The following INPP5D variants were observed in gnomAD, a reference collection of about 807,000 sequenced individuals.
INPP5D encodes the protein inositol polyphosphate-5-phosphatase D.
Under a neutral mutation model 122.9 loss-of-function variants are expected in INPP5D, and 33 were observed. The observed-to-expected ratio is 0.27, with a 90% confidence interval of 0.20 to 0.36. The LOEUF (loss-of-function observed/expected upper bound fraction) is 0.36. Among genes scored for constraint, INPP5D ranks in the 10% least tolerant of loss-of-function variants. The pLI, the probability that INPP5D is intolerant of heterozygous loss-of-function variation, is 1.00. For synonymous variants in INPP5D, 584 were observed against 576.2 expected, an observed-to-expected ratio of 1.01 and a Z score of -0.19; for missense variants, 1,053 against 1,412.7, an observed-to-expected ratio of 0.75 and a Z score of 4.08.
At chr2:233,077,551 T>G (rs917494823) in intron 1 of INPP5D, among the ~76,000 whole-genome samples, 1 of 151,352 alleles carries the variant, frequency 6.6e-6, no homozygotes, top group Admixed American at 6.6e-5. Flanking sequence ...CCCAGCTACT[T>G]GAGAGGCTGA....
At chr2:233,181,088 C>G (rs1694772071) in intron 18 of INPP5D, among the ~76,000 whole-genome samples, 2 of 152,316 alleles carry the variant, frequency 1.3e-5, no homozygotes, top group South Asian at 4.1e-4. Context: ...TTGACTCCAT[C>G]TATTCCTTCT....
At chr2:233,202,341 C>T (rs181723139) in intron 25 of INPP5D, among the ~76,000 whole-genome samples, 1 of 152,052 alleles carries the variant, frequency 6.6e-6, no homozygotes, top group African/African-American at 2.4e-5. Flanking sequence ...ATGGAGGGGG[C>T]CCTTTCCAAA....
At chr2:233,086,123 T>TTCTTTCTTTCTTTCTC (rs1691828519) in intron 2 of INPP5D, among the ~76,000 whole-genome samples, 3 of 70,000 alleles carry the variant, frequency 4.3e-5, no homozygotes, top group African/African-American at 7.2e-5. Flanking sequence ...GATAGCCTCT[T>TTCTTTCTTTCTTTCTC]TCTTTCTTTC....
intron 1 of INPP5D, among the ~76,000 whole-genome samples, chr2:233,062,985 TAA>T (rs541988646): frequency 1.4e-5 from 2 of 143,812 alleles, no homozygotes; most frequent in Non-Finnish European, 3.1e-5. Context: ...GGAAGGGCAT[TAA>T]AAAAAAAAAA....
intron 9 of INPP5D, among the ~76,000 whole-genome samples, chr2:233,157,217 G>A (rs36136752): frequency 0.17 from 25,524 of 152,084 alleles, 3,875 homozygotes; most frequent in African/African-American, 0.4. Flanking sequence ...GGAAGACCTG[G>A]GGTCCAAGAA....
In INPP5D at chr2:233,082,616, T is replaced by C. The variant is rs934767935; in HGVS notation, c.198+3218T>C. ...ACACCAAAGATCTCATCTTTGTTCT[T>C]TGCAGACCAACTTCATGGAGTTGGC... On this transcript the variant is annotated intron_variant, in intron 2 of 26. Coordinates refer to ENST00000445964, the MANE Select transcript of INPP5D (RefSeq NM_001017915.3). This position sits in a 1 kb window ranked among gnomAD's most constrained non-coding sequence, Gnocchi z 4.7. 1.1e-4 allele frequency among the ~76,000 whole-genome samples: 17 copies of C among 152,182 alleles called. No homozygotes were observed. Among genetic ancestry groups the C allele is most frequent in the African/African-American group, 3.9e-4 (16 of 41,440 alleles).
At chr2:233,200,589 C>T (rs1695305278) in intron 25 of INPP5D, among the ~76,000 whole-genome samples, 1 of 152,236 alleles carries the variant, frequency 6.6e-6, no homozygotes, top group South Asian at 2.1e-4. Context: ...CTTCCCAGGC[C>T]TGACCTGGCA....
chr2:233,171,080 G>A lies in INPP5D; in HGVS notation c.1917G>A (p.Thr639=), dbSNP rs371650284. The change falls in exon 17 of 27, where the codon ACG becomes ACA. Residue 639 remains threonine, a synonymous_variant. Coordinates refer to ENST00000445964, the MANE Select transcript of INPP5D (RefSeq NM_001017915.3). ...CTGTTTCAGAGGAGGAAGAAATCAC[G>A]TTTGCCCCAACCTACCGTTTTGAGA... is the stretch of plus-strand genomic sequence containing the variant. ...VFLHFEEEEI[T]FAPTYRFERL... The A allele has an allele frequency of 1.2e-3, 1,870 of 1,612,576 alleles. 39 individuals are homozygous for A. The South Asian group carries it at 0.019, about 17-fold the overall frequency.
intron 9 of INPP5D, among the ~76,000 whole-genome samples, chr2:233,153,500 G>A (rs527397494): frequency 1.5e-4 from 23 of 152,160 alleles, no homozygotes; most frequent in Non-Finnish European, 1.8e-4. Context: ...GATAGCGAGA[G>A]TCACTTGTAG....
At chr2:233,138,214 G>A (rs780368892) in intron 5 of INPP5D, among the ~76,000 whole-genome samples, 2 of 149,908 alleles carry the variant, frequency 1.3e-5, no homozygotes, top group Non-Finnish European at 3.0e-5. Context: ...GCTGGGCGTG[G>A]TGGTGTATGC....
At chr2:233,195,603 T>G (rs1464119242) in intron 24 of INPP5D, 108 bp downstream of exon 24, 12 of 1,538,088 alleles carry the variant, frequency 7.8e-6, no homozygotes. Flanking sequence ...TCCCGGCACT[T>G]TGGGAGGCCA....
intron 1 of INPP5D, among the ~76,000 whole-genome samples, chr2:233,073,508 C>T (rs567781374): frequency 3.0e-4 from 46 of 151,902 alleles, no homozygotes; most frequent in African/African-American, 9.7e-4. Flanking sequence ...AACATGGTGG[C>T]GGGTGCCTGT....
intron 1 of INPP5D, among the ~76,000 whole-genome samples, chr2:233,068,233 C>T (rs1379094854): frequency 8.0e-5 from 12 of 149,212 alleles, no homozygotes; most frequent in African/African-American, 2.5e-4. Flanking sequence ...TGTGGTGAGC[C>T]GAGATGGCAC....
intron 11 of INPP5D, 76 bp downstream of exon 11, chr2:233,161,902 G>A (rs1046151467): frequency 3.9e-6 from 6 of 1,529,058 alleles, no homozygotes; most frequent in South Asian, 1.3e-5. Context: ...TCAAGGTGGG[G>A]TGGAGTGACG....
intron 2 of INPP5D, among the ~76,000 whole-genome samples, chr2:233,092,943 A>G (rs1692031557): frequency 6.6e-6 from 1 of 151,986 alleles, no homozygotes; most frequent in Non-Finnish European, 1.5e-5. Context: ...GGCTTAGTAG[A>G]TTTCCGCTGG....
chr2:233,101,116 TG>T (rs1366132396), intron 2 of INPP5D, among the ~76,000 whole-genome samples: 2 of 152,150 alleles, frequency 1.3e-5, no homozygotes, highest in African/African-American at 2.4e-5. Context: ...GGGATGATTT[TG>T]CCAAAAGGGT....
intron 6 of INPP5D, among the ~76,000 whole-genome samples, chr2:233,143,743 G>C (rs987054087): frequency 6.6e-6 from 1 of 152,252 alleles, no homozygotes; most frequent in East Asian, 1.9e-4. Flanking sequence ...GAATGGTGTG[G>C]TGTCTAAGGG....
chr2:233,181,703 A>G (rs1445153978), intron 18 of INPP5D, among the ~76,000 whole-genome samples: 1 of 152,080 alleles, frequency 6.6e-6, no homozygotes, highest in Admixed American at 6.6e-5. Context: ...TCCCGGTTCT[A>G]TGAGGCATCG....
intron 2 of INPP5D, among the ~76,000 whole-genome samples, chr2:233,099,058 C>A (rs953149977): frequency 6.6e-6 from 1 of 152,008 alleles, no homozygotes; most frequent in African/African-American, 2.4e-5. Context: ...TCAAGCAATT[C>A]TTCTGCCTCA....
Sources: allele counts gnomAD v4.1 joint callset (sites outside exome capture counted in the v4.1 genomes callset), GRCh38; gene constraint gnomAD v4.1.1; non-coding constraint Gnocchi (gnomAD v3.1); transcripts MANE v1.5; gene names NCBI Gene and HGNC (gene_info 2026-07-23, HGNC 2026-07-21).